KLHL25: variants seen among roughly 807,000 people sequenced by gnomAD.
KLHL25 encodes kelch like family member 25, also known as kelch-like protein 25.
Under a neutral mutation model 30.0 loss-of-function variants are expected in KLHL25, and 41 were observed. The observed-to-expected ratio is 1.37, with a 90% CI of 1.07 to 1.78. KLHL25 has a LOEUF of 1.78. KLHL25 is among the 40% of genes most tolerant of loss of function. The pLI is 0.00. For missense variants in KLHL25, 971 were observed against 824.5 expected, an observed-to-expected ratio of 1.18 and a Z score of -2.18; for synonymous variants, 399 against 355.3, an observed-to-expected ratio of 1.12 and a Z score of -1.38.
intron 1 of KLHL25, among the ~76,000 whole-genome samples, chr15:85,774,535 A>G (rs2089697354): frequency 6.6e-6 from 1 of 152,172 alleles, no homozygotes; most frequent in South Asian, 2.1e-4. Context: ...CAGTGACCGA[A>G]AGCGAAAGGC....
At position 85,768,413 on chromosome 15, in the gene KLHL25, G is replaced by C; in HGVS notation, c.1398C>G (p.Asp466Glu). The C allele has an allele frequency of 6.2e-7, 1 of 1,613,644 alleles. No individual in the cohort carries two copies. The highest frequency in any genetic ancestry group is 8.5e-7 in the Non-Finnish European group (1 of 1,179,950). Residue 466 changes from aspartate to glutamate, a missense_variant, in exon 2 of 3, where the codon GAC (aspartate) becomes GAG (glutamate). Transcript: ENST00000337975. ...TGATCGTCCACCTGTTCTCCGAGGG[G>C]TCATAGCACTGGACCTTGGACACCA... ...RDMVSKVQCY[D>E]PSENRWTIKA...
intron 1 of KLHL25, 146 bp from the exon 2 acceptor site, chr15:85,769,966 C>T (rs751603986): frequency 4.2e-5 from 29 of 685,822 alleles, no homozygotes; most frequent in Non-Finnish European, 6.0e-5. Flanking sequence ...CCCGCAACCA[C>T]GTTGCCAAGG....
intron 1 of KLHL25, among the ~76,000 whole-genome samples, chr15:85,790,143 G>A (rs893928153): frequency 1.3e-5 from 2 of 152,182 alleles, no homozygotes; most frequent in Admixed American, 6.5e-5. Flanking sequence ...AGGCTGGAGT[G>A]CAATGGTGCA....
Position 85,786,072 on chromosome 15 carries a change from C to T in KLHL25, c.-11+8694G>A, listed in dbSNP as rs181365219. ...TCAGAATCAGGAGGTGTCTAATAAA[C>T]GCAAAAACTGCTTTCAGCGAGGCCC... On this transcript the variant is annotated intron_variant, in intron 1 of 2. Coordinates refer to ENST00000337975, the MANE Select transcript of KLHL25 (RefSeq NM_022480.4). 3.3e-3 allele frequency among the ~76,000 whole-genome samples: 476 copies of T among 145,768 alleles called. 1 individual carries two copies. The highest frequency in any genetic ancestry group is 5.8e-3 in the Non-Finnish European group (389 of 67,438).
intron 1 of KLHL25, among the ~76,000 whole-genome samples, chr15:85,777,957 C>T (rs1183548613): frequency 6.6e-6 from 1 of 152,246 alleles, no homozygotes; most frequent in African/African-American, 2.4e-5. Flanking sequence ...ATTTAATCCT[C>T]ACAACCAAGC....
intron 1 of KLHL25, among the ~76,000 whole-genome samples, chr15:85,771,680 G>A (rs1236649487): frequency 6.6e-6 from 1 of 152,228 alleles, no homozygotes; most frequent in African/African-American, 2.4e-5. Flanking sequence ...GTCCAAACCT[G>A]CAGCCCACAG....
chr15:85,764,148 G>GC (rs1295207412), intron 2 of KLHL25: 1 of 152,328 alleles, frequency 6.6e-6, no homozygotes, highest in Non-Finnish European at 1.5e-5. Context: ...CCCAGGGAAG[G>GC]CCAGGCATGC....
At chr15:85,786,489 G>T (rs1303975763) in intron 1 of KLHL25, among the ~76,000 whole-genome samples, 1 of 152,242 alleles carries the variant, frequency 6.6e-6, no homozygotes, top group Non-Finnish European at 1.5e-5. Context: ...AAGTAAACAG[G>T]GTTTAGTCTG....
At chr15:85,794,687 G>A (rs1373923297) in intron 1 of KLHL25, 79 bp downstream of exon 1, 5 of 152,038 alleles carry the variant, frequency 3.3e-5, no homozygotes, top group African/African-American at 1.2e-4. Flanking sequence ...GGCCCGGGGT[G>A]GTGAGTCCCC....
At chr15:85,770,523 T>C (rs754413717) in intron 1 of KLHL25, 6 of 534,418 alleles carry the variant, frequency 1.1e-5, no homozygotes, top group Non-Finnish European at 1.9e-5. Context: ...AAGTGCTCAG[T>C]GGAGACATGT....
chr15:85,773,300 A>G (rs1284997120), intron 1 of KLHL25, among the ~76,000 whole-genome samples: 1 of 152,150 alleles, frequency 6.6e-6, no homozygotes, highest in Non-Finnish European at 1.5e-5. Flanking sequence ...CACGAAACTC[A>G]TTCATATCAA....
intron 1 of KLHL25, among the ~76,000 whole-genome samples, chr15:85,784,266 T>A (rs1207067360): frequency 6.6e-6 from 1 of 152,178 alleles, no homozygotes; most frequent in African/African-American, 2.4e-5. Flanking sequence ...CGGTGGCTCA[T>A]GCCTGTAATC....
At chr15:85,781,573 T>C (rs564369885) in intron 1 of KLHL25, among the ~76,000 whole-genome samples, 1 of 152,198 alleles carries the variant, frequency 6.6e-6, no homozygotes, top group Admixed American at 6.5e-5. Flanking sequence ...AACCTCCACC[T>C]CCTGGGTTCA....
intron 1 of KLHL25, among the ~76,000 whole-genome samples, chr15:85,775,940 G>T (rs570566542): frequency 6.6e-6 from 1 of 151,492 alleles, no homozygotes; most frequent in African/African-American, 2.4e-5. Context: ...TTGGGAGGCT[G>T]AGGTGGGCAG....
chr15:85,761,899 G>GGGGCTT (rs1262773923), intron 2 of KLHL25: 4 of 152,236 alleles, frequency 2.6e-5, no homozygotes, highest in Non-Finnish European at 5.9e-5. Context: ...AAGAACATAA[G>GGGGCTT]GGGCTTTCTA....
At chr15:85,785,794 G>C (rs773427328) in intron 1 of KLHL25, among the ~76,000 whole-genome samples, 5 of 152,134 alleles carry the variant, frequency 3.3e-5, no homozygotes, top group Non-Finnish European at 5.9e-5. Flanking sequence ...CCAGTAAAAA[G>C]TCCTGGTTGG....
At chr15:85,774,963 G>A (rs1441495357) in intron 1 of KLHL25, among the ~76,000 whole-genome samples, 15 of 148,728 alleles carry the variant, frequency 1.0e-4, no homozygotes, top group African/African-American at 2.2e-4. Flanking sequence ...TGCAACCTCC[G>A]ACTCCCAGGT....
In KLHL25 at chr15:85,789,813, G is replaced by A. The variant is rs1343848325; in HGVS notation, c.-11+4953C>T. 6.6e-6 allele frequency among the ~76,000 whole-genome samples: 1 copy of A among 152,170 alleles called. No homozygotes were observed. Among genetic ancestry groups the A allele is most frequent in the Admixed American group, 6.5e-5 (1 of 15,272 alleles). ...CCTAAGCCCAGCCTGGTGCTCCCCTGATGCAGTCTTCTGTCTCCACCAGCC... is the reference window on the plus strand; with the variant it reads ...CCTAAGCCCAGCCTGGTGCTCCCCTAATGCAGTCTTCTGTCTCCACCAGCC... On this transcript the variant is annotated intron_variant, in intron 1 of 2. Transcript: ENST00000337975. The surrounding 1 kb of genome is among the most constrained non-coding windows in gnomAD (Gnocchi z 4.1).
intron 1 of KLHL25, among the ~76,000 whole-genome samples, chr15:85,785,120 G>GTC (rs922303510): frequency 2.1e-5 from 3 of 141,144 alleles, no homozygotes; most frequent in African/African-American, 7.9e-5. Flanking sequence ...CTGAGACAGT[G>GTC]TCTCTCTCTG....
Sources: allele counts gnomAD v4.1 joint callset (sites outside exome capture counted in the v4.1 genomes callset), GRCh38; gene constraint gnomAD v4.1.1; non-coding constraint Gnocchi (gnomAD v3.1); transcripts MANE v1.5; gene names NCBI Gene and HGNC (gene_info 2026-07-23, HGNC 2026-07-21).